Variants in SGCZ observed in about 807,000 individuals in gnomAD.
SGCZ encodes the protein zeta-sarcoglycan.
A neutral mutation model predicts 41.3 loss-of-function variants in SGCZ; 40 were observed. That is an observed-to-expected ratio of 0.97 (90% CI 0.75 to 1.26). SGCZ has a LOEUF of 1.26. SGCZ is among the 50% of genes most tolerant of loss of function. SGCZ has a pLI of 0.00. For missense variants in SGCZ, 552 were observed against 369.8 expected (o/e 1.49, Z -4.04); for synonymous variants, 206 against 137.5 (o/e 1.50, Z -3.49).
chr8:14,588,169 T>A (rs989483778), intron 1 of SGCZ, among the ~76,000 whole-genome samples: 3 of 146,980 alleles, frequency 2.0e-5, no homozygotes, highest in Admixed American at 7.1e-5. Flanking sequence ...TATGATAAAA[T>A]TTTTCAGGAA....
At position 15,007,977 on chromosome 8, in the gene SGCZ, A is replaced by G. The variant is rs116616997; in HGVS notation, c.39+229608T>C. Among the ~76,000 whole-genome samples the G allele has an allele frequency of 9.6e-3, 1,462 of 152,270 alleles. 35 individuals are homozygous for G. The highest frequency in any genetic ancestry group is 0.033 in the African/African-American group (1,374 of 41,554). ...ATTCAGCATTTCCATACAAAATATT[A>G]ATTTTATACTCTCAAGTTACAGTAA... On this transcript the variant is annotated intron_variant, in intron 1 of 7. Transcript: ENST00000382080.
intron 4 of SGCZ, among the ~76,000 whole-genome samples, chr8:14,220,193 CAACTG>C (rs1806143736): frequency 6.6e-6 from 1 of 152,064 alleles, no homozygotes; most frequent in Admixed American, 6.6e-5. Context: ...ACTACAGCCC[CAACTG>C]AACTGAACTG....
chr8:15,054,491 C>T (rs1162333910), intron 1 of SGCZ, among the ~76,000 whole-genome samples: 2 of 152,136 alleles, frequency 1.3e-5, no homozygotes, highest in African/African-American at 2.4e-5. Flanking sequence ...ATAGTTTCTA[C>T]TCCTTGGGAA....
At chr8:15,162,809 G>A (rs1016333976) in intron 1 of SGCZ, among the ~76,000 whole-genome samples, 1 of 152,118 alleles carries the variant, frequency 6.6e-6, no homozygotes, top group Non-Finnish European at 1.5e-5. Flanking sequence ...ATACTTTATA[G>A]AGAGTTCCTA....
intron 1 of SGCZ, among the ~76,000 whole-genome samples, chr8:15,050,997 C>T (rs531550470): frequency 6.6e-6 from 1 of 152,152 alleles, no homozygotes; most frequent in African/African-American, 2.4e-5. Context: ...AGAAACATCA[C>T]ATATTTGTAG....
intron 5 of SGCZ, among the ~76,000 whole-genome samples, chr8:14,158,006 AC>A (rs1369257631): frequency 1.3e-5 from 2 of 152,034 alleles, no homozygotes; most frequent in African/African-American, 4.8e-5. Flanking sequence ...ACATGGTGAA[AC>A]CCCCGTCTCT....
chr8:14,300,010 C>T (rs1401086257), intron 3 of SGCZ, among the ~76,000 whole-genome samples: 1 of 151,730 alleles, frequency 6.6e-6, no homozygotes, highest in South Asian at 2.1e-4. Flanking sequence ...TTTACAAAGG[C>T]CAAGAGTAGG....
intron 1 of SGCZ, among the ~76,000 whole-genome samples, chr8:15,135,072 A>G (rs1206984367): frequency 6.6e-6 from 1 of 152,126 alleles, no homozygotes; most frequent in Non-Finnish European, 1.5e-5. Flanking sequence ...ATGCTGTCCT[A>G]AATATGGTTC....
intron 2 of SGCZ, among the ~76,000 whole-genome samples, chr8:14,342,182 A>C (rs1275293358): frequency 1.3e-5 from 2 of 152,206 alleles, no homozygotes; most frequent in Non-Finnish European, 2.9e-5. Flanking sequence ...GAGATAAGGA[A>C]CTTGTTGGGA....
intron 1 of SGCZ, among the ~76,000 whole-genome samples, chr8:14,836,403 G>C (rs2130614820): frequency 6.6e-6 from 1 of 152,210 alleles, no homozygotes; most frequent in Non-Finnish European, 1.5e-5. Context: ...CAAAATGTAG[G>C]TGTTATGTTA....
At chr8:14,121,565 C>A (rs1444054782) in intron 5 of SGCZ, among the ~76,000 whole-genome samples, 1 of 152,036 alleles carries the variant, frequency 6.6e-6, no homozygotes, top group Non-Finnish European at 1.5e-5. Flanking sequence ...TGTTGTTAAA[C>A]TGACTAAAAT....
intron 1 of SGCZ, among the ~76,000 whole-genome samples, chr8:14,832,066 T>G (rs576294601): frequency 6.6e-6 from 1 of 152,166 alleles, no homozygotes; most frequent in Non-Finnish European, 1.5e-5. Flanking sequence ...GCAGTTTCAA[T>G]GAAAACGACA....
At chr8:14,315,666 C>T (rs945619594) in intron 3 of SGCZ, among the ~76,000 whole-genome samples, 1 of 151,910 alleles carries the variant, frequency 6.6e-6, no homozygotes, top group Admixed American at 6.6e-5. Context: ...ATAATAACTT[C>T]AAGGCCTAAG....
chr8:14,903,499 G>T (rs1799033451), intron 1 of SGCZ, among the ~76,000 whole-genome samples: 1 of 152,182 alleles, frequency 6.6e-6, no homozygotes, highest in South Asian at 2.1e-4. Context: ...CTGTTAAAGT[G>T]TTCTCTAAGT....
At chr8:14,317,449 G>A (rs556403017) in intron 3 of SGCZ, among the ~76,000 whole-genome samples, 28 of 152,004 alleles carry the variant, frequency 1.8e-4, no homozygotes, top group South Asian at 8.3e-4. Flanking sequence ...TCTGTCAGAT[G>A]AGCCACAGAA....
Position 14,090,282 on chromosome 8 carries a change from A to C in SGCZ, c.*161T>G, listed in dbSNP as rs1801646601. ...ACCCTCTGTGTTGAGCAGTACAGTAAATCACAAGAGAAGGTGGTGGCGAAT... is the reference window on the plus strand; with the variant it reads ...ACCCTCTGTGTTGAGCAGTACAGTACATCACAAGAGAAGGTGGTGGCGAAT... On this transcript the variant is annotated 3_prime_UTR_variant, in exon 8 of 8. Coordinates refer to ENST00000382080, the MANE Select transcript of SGCZ (RefSeq NM_139167.4). The C allele has an allele frequency of 1.5e-6, 1 of 659,242 alleles. No homozygotes were observed. The highest frequency in any genetic ancestry group is 2.5e-6 in the Non-Finnish European group (1 of 402,144). The allele number at this position is 659,242 out of a possible 1,614,324, so 40.8% of individuals were successfully genotyped here. A position where few individuals can be genotyped will look rare whatever the true frequency, so the allele number is the denominator to read the frequency against.
chr8:14,189,419 C>A (rs1405330571), intron 4 of SGCZ, among the ~76,000 whole-genome samples: 1 of 152,162 alleles, frequency 6.6e-6, no homozygotes, highest in East Asian at 1.9e-4. Flanking sequence ...CTGGTTCTTG[C>A]TTCTCTTTCA....
At chr8:15,150,012 T>C (rs1452727370) in intron 1 of SGCZ, among the ~76,000 whole-genome samples, 2 of 152,198 alleles carry the variant, frequency 1.3e-5, no homozygotes, top group East Asian at 1.9e-4. Flanking sequence ...CTGCAGTGTG[T>C]CTGCAAAGGA....
intron 2 of SGCZ, among the ~76,000 whole-genome samples, chr8:14,449,277 A>C (rs1271573974): frequency 6.6e-6 from 1 of 152,202 alleles, no homozygotes; most frequent in South Asian, 2.1e-4. Flanking sequence ...TTGGGTTCAC[A>C]TTGGCCTGGA....
Sources: gnomAD v4.1 joint callset for allele counts (sites outside exome capture counted in the v4.1 genomes callset) on GRCh38, gnomAD v4.1.1 for gene constraint, MANE v1.5 for transcripts, NCBI Gene and HGNC (gene_info 2026-07-23, HGNC 2026-07-21) for gene names.